The following PTPRD variants were observed in gnomAD, a reference collection of about 807,000 sequenced individuals.
The protein encoded by PTPRD is receptor-type tyrosine-protein phosphatase delta.
Under a neutral mutation model 214.5 loss-of-function variants are expected in PTPRD, and 34 were observed. The observed-to-expected ratio is 0.16, with a 90% CI of 0.12 to 0.21. The LOEUF is 0.21. Among genes scored for constraint, PTPRD ranks in the 10% least tolerant of loss-of-function variants. The probability of loss-of-function intolerance (pLI) is 1.00; values close to 1 mark genes in which losing one functional copy is unlikely to be tolerated. For missense variants in PTPRD, 2,545 were observed against 2,398.7 expected, an observed-to-expected ratio of 1.06 and a Z score of -1.27; for synonymous variants, 1,128 against 845.7, an observed-to-expected ratio of 1.33 and a Z score of -5.79.
intron 8 of PTPRD, among the ~76,000 whole-genome samples, chr9:9,476,839 G>T (rs2095081286): frequency 6.6e-6 from 1 of 152,076 alleles, no homozygotes; most frequent in South Asian, 2.1e-4. Context: ...GGGTTCAAGT[G>T]ATTCTCCTGC....
chr9:8,647,581 T>A (rs954349998), intron 12 of PTPRD, among the ~76,000 whole-genome samples: 4 of 152,198 alleles, frequency 2.6e-5, no homozygotes, highest in African/African-American at 7.2e-5. Context: ...GAAAAAGACT[T>A]CAAAACTTTT....
intron 9 of PTPRD, among the ~76,000 whole-genome samples, chr9:9,300,084 T>G (rs1157904): frequency 0.16 from 23,555 of 150,320 alleles, 2,347 homozygotes; most frequent in East Asian, 0.47. Flanking sequence ...CACTGTCCCA[T>G]ATTCTCCTCA....
At chr9:9,412,556 C>A (rs1450278075) in intron 8 of PTPRD, among the ~76,000 whole-genome samples, 1 of 152,066 alleles carries the variant, frequency 6.6e-6, no homozygotes, top group Non-Finnish European at 1.5e-5. Flanking sequence ...CAGCCTCAGG[C>A]CACTCTCCTC....
chr9:9,842,251 G>A (rs972537974), intron 5 of PTPRD, among the ~76,000 whole-genome samples: 9 of 148,866 alleles, frequency 6.0e-5, no homozygotes, highest in African/African-American at 1.7e-4. Flanking sequence ...AATTATGAAG[G>A]GCAATGATTC....
chr9:10,576,736 G>A (rs2069499426), intron 2 of PTPRD, among the ~76,000 whole-genome samples: 1 of 152,190 alleles, frequency 6.6e-6, no homozygotes, highest in Non-Finnish European at 1.5e-5. Context: ...ATGTTCAATA[G>A]CTCCAAGGGA....
chr9:9,414,731 C>A (rs1299690735), intron 8 of PTPRD: 1 of 152,194 alleles, frequency 6.6e-6, no homozygotes, highest in East Asian at 1.9e-4. Context: ...TAAAATAATT[C>A]TTTAATCAAC....
chr9:10,162,825 T>C (rs1161095898), intron 3 of PTPRD, among the ~76,000 whole-genome samples: 2 of 149,988 alleles, frequency 1.3e-5, no homozygotes, highest in East Asian at 1.9e-4. Flanking sequence ...TATTAAGCTA[T>C]GTTACACACA....
At chr9:9,347,039 C>T (rs1033525269) in intron 9 of PTPRD, among the ~76,000 whole-genome samples, 2 of 152,110 alleles carry the variant, frequency 1.3e-5, no homozygotes, top group Admixed American at 6.6e-5. Flanking sequence ...TGTTGGCGCA[C>T]GCTTGTAACC....
At chr9:8,873,523 T>A (rs184602519) in intron 11 of PTPRD, among the ~76,000 whole-genome samples, 126 of 152,332 alleles carry the variant, frequency 8.3e-4, no homozygotes, top group Non-Finnish European at 1.4e-3. Context: ...TTTATTTTTT[T>A]TTAACCAAGT....
chr9:9,489,109 G>C (rs1042602942), intron 8 of PTPRD, among the ~76,000 whole-genome samples: 31 of 152,158 alleles, frequency 2.0e-4, no homozygotes, highest in African/African-American at 7.2e-4. Flanking sequence ...GAAAAGATTA[G>C]GGCATTCATA....
At chr9:8,723,929 T>A (rs58302765) in intron 12 of PTPRD, among the ~76,000 whole-genome samples, 14,490 of 152,254 alleles carry the variant, frequency 0.095, 2,244 homozygotes, top group African/African-American at 0.32. Context: ...ATTTAATAAC[T>A]GTAGTTACTG....
intron 8 of PTPRD, among the ~76,000 whole-genome samples, chr9:9,523,367 G>A (rs1368043004): frequency 6.6e-6 from 1 of 152,034 alleles, no homozygotes; most frequent in Non-Finnish European, 1.5e-5. Context: ...CCTGTATATT[G>A]GAGGGGAGAT....
intron 8 of PTPRD, among the ~76,000 whole-genome samples, chr9:9,433,826 T>C (rs2084150619): frequency 6.6e-6 from 1 of 152,238 alleles, no homozygotes. Flanking sequence ...TTGGATAATT[T>C]ACTTTAAAAT....
In PTPRD at chr9:10,523,837, T is replaced by C. The variant is rs180912571; in HGVS notation, c.-600+88561A>G. ...TTTTGATTTCAGGGGCCTAACTATATATTCTAGATACCAAAAACTTTTATC... is the reference window on the plus strand; with the variant it reads ...TTTTGATTTCAGGGGCCTAACTATACATTCTAGATACCAAAAACTTTTATC... On this transcript the variant is annotated intron_variant, in intron 2 of 45. Coordinates refer to ENST00000381196, the MANE Select transcript of PTPRD (RefSeq NM_002839.4). Among the ~76,000 whole-genome samples the C allele has an allele frequency of 1.2e-3, 175 of 151,874 alleles. 1 individual carries two copies. The highest frequency in any genetic ancestry group is 4.0e-3 in the African/African-American group (166 of 41,468).
intron 3 of PTPRD, among the ~76,000 whole-genome samples, chr9:10,168,515 T>G (rs1178418551): frequency 6.6e-6 from 1 of 152,220 alleles, no homozygotes; most frequent in Non-Finnish European, 1.5e-5. Context: ...TTTTAAAATC[T>G]CTATAGAGAT....
intron 3 of PTPRD, among the ~76,000 whole-genome samples, chr9:10,069,198 A>G (rs2097944094): frequency 6.6e-6 from 1 of 151,948 alleles, no homozygotes; most frequent in South Asian, 2.1e-4. Flanking sequence ...ATTTCCCCCA[A>G]TCTTCTGAAT....
chr9:8,874,149 T>G (rs2098350201), intron 11 of PTPRD, among the ~76,000 whole-genome samples: 1 of 152,248 alleles, frequency 6.6e-6, no homozygotes, highest in Non-Finnish European at 1.5e-5. Context: ...CCAGCCATTA[T>G]GAATAGTTTC....
intron 32 of PTPRD, 152 bp from the exon 33 acceptor site, chr9:8,460,723 G>T (rs1356717935): frequency 3.1e-6 from 2 of 654,830 alleles, no homozygotes; most frequent in Non-Finnish European, 4.9e-6. Flanking sequence ...GGGGAGAGGA[G>T]AATAAAGAAA....
chr9:9,781,988 T>A (rs545181135), intron 5 of PTPRD, among the ~76,000 whole-genome samples: 3 of 152,176 alleles, frequency 2.0e-5, no homozygotes, highest in African/African-American at 7.2e-5. Context: ...GAGGTGGGGT[T>A]TCACCGTGTT....
Sources: gnomAD v4.1 joint callset for allele counts (sites outside exome capture counted in the v4.1 genomes callset) on GRCh38, gnomAD v4.1.1 for gene constraint, MANE v1.5 for transcripts, NCBI Gene and HGNC (gene_info 2026-07-23, HGNC 2026-07-21) for gene names.